A2ML1: variants seen among roughly 807,000 people sequenced by gnomAD.
A2ML1 encodes the protein alpha-2-macroglobulin-like protein 1.
A neutral mutation model predicts 181.9 loss-of-function variants in A2ML1; 161 were observed. The observed-to-expected ratio is 0.89, with a 90% CI of 0.78 to 1.01. The LOEUF (loss-of-function observed/expected upper bound fraction) is 1.01. A2ML1 is among the 50% of genes least tolerant of loss of function. The probability of loss-of-function intolerance (pLI) is 0.00; values close to 1 mark genes in which losing one functional copy is unlikely to be tolerated. For missense variants in A2ML1, 1,670 were observed against 1,768.1 expected (o/e 0.94, Z 1.00); for synonymous variants, 663 against 666.8 (o/e 0.99, Z 0.09).
rs1392180750 is a variant in A2ML1 at position 8,843,065 on chromosome 12, G to GT, written c.1249-68dup. On this transcript the variant is annotated intron_variant, in intron 11 of 35. Transcript: ENST00000299698. ...AGAGAAAGAGCTCTATTTGAAAACCGTAACAAGTCCGTGGGGTTTCCATGG... is the reference window on the plus strand; with the variant it reads ...AGAGAAAGAGCTCTATTTGAAAACCGTTAACAAGTCCGTGGGGTTTCCATGG... 7 of 1,410,444 alleles carry GT rather than the reference G, an allele frequency of 5.0e-6. No homozygotes were observed. In the African/African-American group the frequency reaches 5.6e-5, roughly 11 times the overall value. The allele number at this position is 1,410,444 out of a possible 1,614,324, so 87.4% of individuals were successfully genotyped here.
chr12:8,878,104 A>G (rs1299773680), downstream of A2ML1, among the ~76,000 whole-genome samples: 1 of 127,290 alleles, frequency 7.9e-6, no homozygotes, highest in African/African-American at 3.0e-5. The surrounding 1 kb of genome is among the most constrained non-coding windows in gnomAD (Gnocchi z 4.4). Context: ...GGACTTCAAG[A>G]CCAACCTGGC....
At chr12:8,879,500 AAAG>A (rs905552585), downstream of A2ML1, among the ~76,000 whole-genome samples, 13 of 152,096 alleles carry the variant, frequency 8.5e-5, no homozygotes, top group African/African-American at 3.1e-4. Flanking sequence ...CCAAAAAAAA[AAAG>A]AAGGTAGTCA....
chr12:8,877,651 A>G (rs1436938180), downstream of A2ML1, among the ~76,000 whole-genome samples: 2 of 152,194 alleles, frequency 1.3e-5, no homozygotes, highest in Admixed American at 1.3e-4. Flanking sequence ...CATCCACACT[A>G]GTTAGAATGG....
At chr12:8,869,020 T>C in intron 32 of A2ML1, 115 bp from the exon 33 acceptor site, 1 of 994,536 alleles carries the variant, frequency 1.0e-6, no homozygotes, top group Non-Finnish European at 1.5e-6. Flanking sequence ...TTGGTTCCCT[T>C]TTCCTACCTT....
At chr12:8,869,376 T>C (rs1447903028) in intron 33 of A2ML1, among the ~76,000 whole-genome samples, 173 bp downstream of exon 33, 1 of 152,164 alleles carries the variant, frequency 6.6e-6, no homozygotes, top group Non-Finnish European at 1.5e-5. Flanking sequence ...CACCCCATTG[T>C]GCCTCTAGAG....
rs1362665863 is a variant in A2ML1, at chr12:8,836,241, T to C, written c.644-14T>C. 1 of 1,612,998 alleles carries C rather than the reference T, an allele frequency of 6.2e-7. No homozygotes were observed. Among genetic ancestry groups the C allele is most frequent in the Admixed American group, 1.7e-5 (1 of 60,004 alleles). ...CTCCAGTGCTTTCTCCATTTCTCCT[T>C]TTACTCTCTTCAGTGCTGCCGAAGT... On this transcript the variant is annotated splice_polypyrimidine_tract_variant and intron_variant, in intron 6 of 35. Transcript: ENST00000299698.
rs770295280 is a variant in A2ML1, at chr12:8,837,471, G to C, written c.760G>C (p.Val254Leu). The C allele has an allele frequency of 3.7e-6, 6 of 1,614,142 alleles. No individual in the cohort carries two copies. Among genetic ancestry groups the C allele is most frequent in the Non-Finnish European group, 5.1e-6 (6 of 1,179,980 alleles). The change falls in exon 8 of 36, where the codon GTG becomes CTG. Residue 254 changes from valine to leucine, a missense_variant. Val to Leu is a conservative substitution (Grantham distance 32, BLOSUM62 1). Transcript: ENST00000299698. ...YTYGKPMLGA[V>L]QVSVCQKANT... ...CTATGGAAAGCCCATGCTAGGGGCAGTGCAGGTATCTGTGTGTCAGAAGGC... is the reference window on the plus strand; with the variant it reads ...CTATGGAAAGCCCATGCTAGGGGCACTGCAGGTATCTGTGTGTCAGAAGGC...
chr12:8,839,243 G>T (rs1240559504), intron 10 of A2ML1, 21 bp downstream of exon 10: 1 of 1,574,880 alleles, frequency 6.3e-7, no homozygotes, highest in Non-Finnish European at 8.7e-7. Flanking sequence ...ACTTTTCTCT[G>T]CATAGACAAA....
chr12:8,857,588 G>C lies in A2ML1; in HGVS notation c.3107G>C (p.Trp1036Ser). The stretch of plus-strand genomic sequence containing the variant: ...GAGCGAGATGGAAATGGAAACACAT[G>C]GTAATATCACCCAATTCCCAATGAG... ...FGERDGNGNTWLTAFVTKCFG... is the reference protein window; with the variant it reads ...FGERDGNGNTSLTAFVTKCFG... The change falls in exon 25 of 36, where the codon TGG (tryptophan) becomes TCG (serine). Residue 1036 changes from tryptophan (W) to serine (S), a missense_variant and splice_region_variant. Trp to Ser is a radical substitution (Grantham distance 177). Coordinates refer to ENST00000299698, the MANE Select transcript of A2ML1 (RefSeq NM_144670.6). 6.2e-7 allele frequency: 1 copy of C among 1,609,602 alleles called. No homozygotes were observed. The highest frequency in any genetic ancestry group is 8.5e-7 in the Non-Finnish European group (1 of 1,177,908).
intron 28 of A2ML1, among the ~76,000 whole-genome samples, chr12:8,861,643 A>G (rs958143103): frequency 6.6e-5 from 10 of 151,348 alleles, no homozygotes; most frequent in African/African-American, 1.9e-4. Flanking sequence ...GCCCACCACC[A>G]CGCCCGGCGA....
rs770253665 is a variant in A2ML1, at chr12:8,837,568, T to A, written c.855+2T>A. ...AAATGCAGGAACCTCTCTGGACAGG[T>A]GAGTAAATGACAGGTTAAAAAGGAA... On this transcript the variant is annotated splice_donor_variant, in intron 8 of 35. Transcript: ENST00000299698. LOFTEE classifies it high-confidence loss of function. 3 of 1,611,982 alleles carry A rather than the reference T, an allele frequency of 1.9e-6. No individual in the cohort carries two copies. The highest frequency in any genetic ancestry group is 2.5e-6 in the Non-Finnish European group (3 of 1,179,014).
At chr12:8,883,085 G>C (rs1393096887) in intron 7 of A2ML1, among the ~76,000 whole-genome samples, 1 of 151,962 alleles carries the variant, frequency 6.6e-6, no homozygotes, top group Non-Finnish European at 1.5e-5. Flanking sequence ...GACTTCCACT[G>C]GTCCTTCAAG....
chr12:8,839,285 C>A, intron 10 of A2ML1, 63 bp downstream of exon 10: 1 of 1,187,760 alleles, frequency 8.4e-7, no homozygotes, highest in Non-Finnish European at 1.2e-6. Flanking sequence ...TGCCTCCTTC[C>A]TGCAGCCATA....
intron 10 of A2ML1, among the ~76,000 whole-genome samples, chr12:8,840,568 C>T (rs1480814955): frequency 6.6e-6 from 1 of 151,944 alleles, no homozygotes; most frequent in East Asian, 1.9e-4. Flanking sequence ...TTTTTAGAGC[C>T]TAAGGATTAC....
At chr12:8,827,797 C>T (rs770165500) in intron 3 of A2ML1, among the ~76,000 whole-genome samples, 2 of 152,274 alleles carry the variant, frequency 1.3e-5, no homozygotes, top group South Asian at 4.1e-4. Flanking sequence ...AGTGTTTGGA[C>T]TCTGCAGTTC....
chr12:8,835,196 A>T (rs1192544732), intron 5 of A2ML1, among the ~76,000 whole-genome samples: 1 of 152,230 alleles, frequency 6.6e-6, no homozygotes, highest in Non-Finnish European at 1.5e-5. Context: ...CAGAGTAAAC[A>T]TTCTTTGTAA....
chr12:8,841,391 A>T lies in A2ML1; in HGVS notation c.1103A>T (p.Asp368Val), dbSNP rs1162108932. 1 of 1,613,982 alleles carries T rather than the reference A, an allele frequency of 6.2e-7. No individual in the cohort carries two copies. The highest frequency in any genetic ancestry group is 1.7e-5 in the Admixed American group (1 of 59,998). The change falls in exon 11 of 36, where the codon GAC becomes GTC. Residue 368 changes from aspartate (D) to valine (V), a missense_variant. Transcript: ENST00000299698. ...CAGATAAGAGTTAGGGGCCATGATG[A>T]CTCCTTCCTCAAGAACCATCTAGTG... ...SGKIRVRGHD[D>V]SFLKNHLVFL...
chr12:8,879,364 G>A (rs1005959698), downstream of A2ML1, among the ~76,000 whole-genome samples: 8 of 151,596 alleles, frequency 5.3e-5, no homozygotes, highest in Middle Eastern at 3.4e-3. Context: ...GGTGGCATGC[G>A]CCTGTAATCC....
At chr12:8,877,144 G>A (rs1944819471), downstream of A2ML1, among the ~76,000 whole-genome samples, 3 of 152,286 alleles carry the variant, frequency 2.0e-5, no homozygotes, top group Middle Eastern at 6.8e-3. Flanking sequence ...GAATGCTTTT[G>A]TTTTGGAAAC....
Sources: gnomAD v4.1 joint callset for allele counts (sites outside exome capture counted in the v4.1 genomes callset) on GRCh38, gnomAD v4.1.1 for gene constraint, Gnocchi (gnomAD v3.1) non-coding constraint, MANE v1.5 for transcripts, NCBI Gene and HGNC (gene_info 2026-07-23, HGNC 2026-07-21) for gene names.